Variants in STAB1 observed in about 807,000 individuals in gnomAD.
STAB1 encodes the protein stabilin 1.
Under a neutral mutation model 332.4 loss-of-function variants are expected in STAB1, and 250 were observed. The observed-to-expected ratio is 0.75, with a 90% CI of 0.68 to 0.84. The LOEUF is 0.84. Ranked by LOEUF, STAB1 falls within the 40% of genes least tolerant of loss-of-function variation. STAB1 has a pLI of 0.00. For missense variants in STAB1, 3,249 were observed against 3,489.7 expected (o/e 0.93, Z 1.74); for synonymous variants, 1,475 against 1,390.4 (o/e 1.06, Z -1.35).
intron 53 of STAB1, 27 bp from the exon 54 acceptor site, chr3:52,520,615 T>C (rs1403253932): frequency 6.2e-7 from 1 of 1,612,814 alleles, no homozygotes; most frequent in Admixed American, 1.7e-5. Flanking sequence ...CACCTGACTT[T>C]GCTGTATTGG....
intron 1 of STAB1, 120 bp downstream of exon 1, chr3:52,495,611 T>C (rs1707955355): frequency 1.1e-6 from 1 of 934,118 alleles, no homozygotes; most frequent in Non-Finnish European, 1.4e-6. Flanking sequence ...CTGGCGCCTG[T>C]CTGGCCTCTT....
In STAB1 at chr3:52,519,350, C is replaced by T. The variant is rs1378541503; in HGVS notation, c.5121C>T (p.Val1707=). 2.5e-6 allele frequency: 4 copies of T among 1,613,156 alleles called. No homozygotes were observed. Among genetic ancestry groups the T allele is most frequent in the South Asian group, 2.2e-5 (2 of 91,088 alleles). ...VNGILHFIDR[V]LLPPEALHWE... ...GCATCCTGCACTTCATTGACCGTGT[C>T]CTGCTGCCCCCCGAGGCGCTGCACT... is the stretch of plus-strand genomic sequence containing the variant. The change falls in exon 49 of 69, where the codon GTC becomes GTT. Residue 1707 remains valine (V), a synonymous_variant. Transcript: ENST00000321725.
In STAB1 at chr3:52,512,603, A is replaced by G. The variant is rs1269893093; in HGVS notation, c.2987A>G (p.Glu996Gly). 6.2e-7 allele frequency: 1 copy of G among 1,613,848 alleles called. No individual in the cohort carries two copies. Among genetic ancestry groups the G allele is most frequent in the South Asian group, 1.1e-5 (1 of 91,086 alleles). ...ACTTTTCCCTTCCCTTAGGAGCTGG[A>G]GGCAAATGCCCACTTCTCCATCTTC... ...SCYGDIFREL[E>G]ANAHFSIFYQ... The change falls in exon 28 of 69, where the codon GAG becomes GGG. Residue 996 changes from glutamate to glycine, a missense_variant. Physicochemically the swap from Glu to Gly is moderately conservative, Grantham distance 98. Coordinates refer to ENST00000321725, the MANE Select transcript of STAB1 (RefSeq NM_015136.3).
In STAB1 at chr3:52,520,110, G is replaced by T. The variant is rs370018721; in HGVS notation, c.5402G>T (p.Arg1801Leu). 1.2e-6 allele frequency: 2 copies of T among 1,608,416 alleles called. No homozygotes were observed. The highest frequency in any genetic ancestry group is 1.3e-5 in the African/African-American group (1 of 74,882). Reference sequence around the variant, plus strand: ...GCCATTCTGCGGGGCCACATGATTCGCAATGTCGAGGTGGGTGCAGCCCCC... The same window carrying T: ...GCCATTCTGCGGGGCCACATGATTCTCAATGTCGAGGTGGGTGCAGCCCCC... ...LAAILRGHMI[R>L]NVEALASDLP... Residue 1801 changes from arginine (R) to leucine (L), a missense_variant, in exon 51 of 69, where the codon CGC becomes CTC. Physicochemically the swap from Arg to Leu is moderately radical, Grantham distance 102. Transcript: ENST00000321725.
chr3:52,502,252 G>T lies in STAB1; in HGVS notation c.487+24G>T, dbSNP rs1005984974. 3.9e-5 allele frequency: 62 copies of T among 1,604,802 alleles called. No individual in the cohort carries two copies. In the East Asian group the frequency reaches 1.4e-3, roughly 36 times the overall value. On this transcript the variant is annotated intron_variant, in intron 5 of 68. Transcript: ENST00000321725. ...GGGTGAGTGCTTAAAAGGCAAGAGG[G>T]CACGGCCAGCGTCCACCTGGGGGCC...
At position 52,518,875 on chromosome 3, in the gene STAB1, C is replaced by T. The variant is rs903095986; in HGVS notation, c.5034+6C>T. On this transcript the variant is annotated splice_donor_region_variant and intron_variant, in intron 48 of 68. Coordinates refer to ENST00000321725, the MANE Select transcript of STAB1 (RefSeq NM_015136.3). The stretch of plus-strand genomic sequence containing the variant: ...TGCGCTTCAGCGAGAGGGAGGTGAG[C>T]CCTGGCCCTGGCCTGCCCCGCTCCA... The T allele has an allele frequency of 3.2e-6, 5 of 1,545,074 alleles. No homozygotes were observed. The highest frequency in any genetic ancestry group is 3.5e-6 in the Non-Finnish European group (4 of 1,149,236).
intron 21 of STAB1, 47 bp from the exon 22 acceptor site, chr3:52,509,163 G>C (rs1369248722): frequency 6.4e-7 from 1 of 1,556,454 alleles, no homozygotes; most frequent in Non-Finnish European, 8.8e-7. Context: ...AGGGGATGTA[G>C]AGAGTCCCTT....
intron 6 of STAB1, 81 bp from the exon 7 acceptor site, chr3:52,502,918 A>G (rs1279553683): frequency 7.4e-7 from 1 of 1,349,804 alleles, no homozygotes; most frequent in Admixed American, 2.4e-5. Flanking sequence ...CAAGTCACAC[A>G]GAACAGGCAA....
In STAB1 at chr3:52,523,498, G is replaced by A. The variant is rs772564142; in HGVS notation, c.7212G>A (p.Gly2404=). Residue 2404 remains glycine, a synonymous_variant, in exon 65 of 69, where the codon GGG becomes GGA. Coordinates refer to ENST00000321725, the MANE Select transcript of STAB1 (RefSeq NM_015136.3). The stretch of plus-strand genomic sequence containing the variant: ...TCCTAAGTGCCAACGCCAGCCAGGG[G>A]AAGTTGCTTCCGGCCCACTCAGGCC... The part of the protein sequence containing the change: ...ATLLSANASQ[G]KLLPAHSGLS... The A allele has an allele frequency of 4.3e-6, 7 of 1,612,582 alleles. No individual in the cohort carries two copies. The Admixed American group carries it at 5.0e-5, about 12-fold the overall frequency.
chr3:52,509,887 G>C lies in STAB1; in HGVS notation c.2365G>C (p.Gly789Arg). The change falls in exon 23 of 69, where the codon GGT becomes CGT. Residue 789 changes from glycine (G) to arginine (R), a missense_variant. Gly to Arg is a moderately radical substitution (Grantham distance 125). Transcript: ENST00000321725. ...CCATACAGACTGCGGCTGTGTCCATGGTCTCTGCGACAACCGCCCAGGCAG... is the reference window on the plus strand; with the variant it reads ...CCATACAGACTGCGGCTGTGTCCATCGTCTCTGCGACAACCGCCCAGGCAG... ...QCQEDCGCVHGLCDNRPGSGG... is the reference protein window; with the variant it reads ...QCQEDCGCVHRLCDNRPGSGG... 6.2e-7 allele frequency: 1 copy of C among 1,613,028 alleles called. No homozygotes were observed.
At chr3:52,503,189 C>A in intron 7 of STAB1, 80 bp downstream of exon 7, 2 of 1,500,788 alleles carry the variant, frequency 1.3e-6, no homozygotes, top group Non-Finnish European at 1.8e-6. Flanking sequence ...CCAGCAAGTG[C>A]AATGTAATTC....
rs746468357 is a variant in STAB1 at position 52,523,040 on chromosome 3, G to A, written c.6926G>A (p.Cys2309Tyr). 2 of 1,572,544 alleles carry A rather than the reference G, an allele frequency of 1.3e-6. No homozygotes were observed. Among genetic ancestry groups the A allele is most frequent in the Non-Finnish European group, 8.6e-7 (1 of 1,156,382 alleles). The change falls in exon 63 of 69, where the codon TGC (cysteine) becomes TAC (tyrosine). Residue 2309 changes from cysteine to tyrosine, a missense_variant. Physicochemically the swap from Cys to Tyr is radical, Grantham distance 194. Transcript: ENST00000321725. ...TTTCCTGCAGATGTGGCCTGCCGAT[G>A]CCGAAATGGCTTCGTGGGTGACGGG... ...CFRVQDVACR[C>Y]RNGFVGDGIS...
Position 52,515,039 on chromosome 3 carries a change from G to A in STAB1, c.3858G>A (p.Gln1286=). The A allele has an allele frequency of 6.2e-7, 1 of 1,613,490 alleles. No individual in the cohort carries two copies. Among genetic ancestry groups the A allele is most frequent in the Non-Finnish European group, 8.5e-7 (1 of 1,180,004 alleles). ...TRRFRCTQGF[Q]LQDTPRKSCV... is the part of the protein sequence containing the mutation. ...GATTCCGCTGCACTCAGGGCTTCCA[G>A]CTGCAGGTGAGACTGGGCTTAGCGC... Residue 1286 remains glutamine, a synonymous_variant, in exon 36 of 69, where the codon CAG becomes CAA. Transcript: ENST00000321725.
rs764309371 is a variant in STAB1, at chr3:52,512,372, G to A, written c.2915G>A (p.Arg972Gln). 13 of 1,611,440 alleles carry A rather than the reference G, an allele frequency of 8.1e-6. No individual in the cohort carries two copies. Among genetic ancestry groups the A allele is most frequent in the South Asian group, 5.5e-5 (5 of 90,864 alleles). Residue 972 changes from arginine to glutamine, a missense_variant, in exon 27 of 69, where the codon CGG becomes CAG. Coordinates refer to ENST00000321725, the MANE Select transcript of STAB1 (RefSeq NM_015136.3). ...ATCRAVGGGQ[R>Q]VCTCPPGFGG... is the part of the protein sequence containing the mutation. ...TGCCGGGCAGTGGGGGGAGGTCAGC[G>A]GGTCTGCACGTGCCCCCCTGGCTTT... is the stretch of plus-strand genomic sequence containing the variant.
At position 52,521,926 on chromosome 3, in the gene STAB1, T is replaced by G; in HGVS notation, c.6246T>G (p.Tyr2082Ter). The G allele has an allele frequency of 1.2e-6, 2 of 1,609,286 alleles. No individual in the cohort carries two copies. Among genetic ancestry groups the G allele is most frequent in the Non-Finnish European group, 8.5e-7 (1 of 1,176,996 alleles). The change falls in exon 58 of 69, where the codon TAT becomes TAG. Residue 2082 changes from tyrosine to a stop codon, truncating the protein, a stop_gained. Transcript: ENST00000321725. LOFTEE classifies it high-confidence loss of function. ...AGNSCECSLG[Y>*]EGDGRVCTVA... ...ACAGCTGTGAGTGCAGCCTGGGCTA[T>G]GAAGGGGATGGCCGTGTGTGTACAG...
At chr3:52,518,291 A>G in intron 45 of STAB1, 21 bp from the exon 46 acceptor site, 1 of 1,612,256 alleles carries the variant, frequency 6.2e-7, no homozygotes, top group Non-Finnish European at 8.5e-7. Context: ...CCCAAATCTG[A>G]GCTGACCCTC....
At position 52,501,316 on chromosome 3, in the gene STAB1, CT is replaced by C. The variant is rs1487777467; in HGVS notation, c.215+15del. 1.2e-6 allele frequency: 2 copies of C among 1,610,656 alleles called. No homozygotes were observed. The highest frequency in any genetic ancestry group is 1.1e-5 in the South Asian group (1 of 91,034). On this transcript the variant is annotated intron_variant, in intron 2 of 68. Coordinates refer to ENST00000321725, the MANE Select transcript of STAB1 (RefSeq NM_015136.3). ...CCAGGACTGCCGGTGCGGGCCACCCCTGTCCTTGCCTGTGTCCAGGAGCATC... is the reference window on the plus strand; with the variant it reads ...CCAGGACTGCCGGTGCGGGCCACCCCGTCCTTGCCTGTGTCCAGGAGCATC...
chr3:52,495,950 C>G (rs1186655704), intron 1 of STAB1, among the ~76,000 whole-genome samples: 6 of 152,188 alleles, frequency 3.9e-5, no homozygotes, highest in Admixed American at 3.9e-4. Flanking sequence ...AGTCACTCAC[C>G]CTTAGTGTCC....
chr3:52,499,285 C>G (rs1315094247), intron 1 of STAB1, among the ~76,000 whole-genome samples: 1 of 152,246 alleles, frequency 6.6e-6, no homozygotes, highest in Non-Finnish European at 1.5e-5. Flanking sequence ...GTTGCTGGGA[C>G]TTTGTTGCCG....
Sources: gnomAD v4.1 joint callset for allele counts (sites outside exome capture counted in the v4.1 genomes callset) on GRCh38, gnomAD v4.1.1 for gene constraint, MANE v1.5 for transcripts, NCBI Gene and HGNC (gene_info 2026-07-23, HGNC 2026-07-21) for gene names.